Variants in SNRPD3 observed in about 807,000 individuals in gnomAD.
SNRPD3 encodes the protein small nuclear ribonucleoprotein Sm D3.
For synonymous variants in SNRPD3, 66 were observed against 58.4 expected, an observed-to-expected ratio of 1.13 and a Z score of -0.59; for missense variants, 73 against 167.5, an observed-to-expected ratio of 0.44 and a Z score of 3.11.
intron 2 of SNRPD3, among the ~76,000 whole-genome samples, chr22:24,563,234 G>GTGTA (rs1569025456): frequency 1.6e-4 from 20 of 126,230 alleles, no homozygotes; most frequent in African/African-American, 5.8e-4. Flanking sequence ...GTGTGTGTGT[G>GTGTA]TGTGTGTGTA....
At chr22:24,557,311 G>A (rs2298388) in intron 1 of SNRPD3, among the ~76,000 whole-genome samples, 146,240 of 152,308 alleles carry the variant, frequency 0.96, 70,395 homozygotes, top group Non-Finnish European at 1. Flanking sequence ...TAACATTCCA[G>A]TCCCCCTCCC....
At chr22:24,568,583 A>G (rs1241230175) in intron 3 of SNRPD3, among the ~76,000 whole-genome samples, 1 of 149,168 alleles carries the variant, frequency 6.7e-6, no homozygotes, top group East Asian at 2.0e-4. Context: ...TTTGAGATGG[A>G]GTCTCGCTCT....
At chr22:24,556,149 A>C in intron 1 of SNRPD3, 78 bp downstream of exon 1, 7 of 460,758 alleles carry the variant, frequency 1.5e-5, no homozygotes, top group South Asian at 8.9e-5. Flanking sequence ...GCTGCATGGA[A>C]CTCTGCGGGG....
Position 24,560,656 on chromosome 22 carries a change from C to T in SNRPD3, c.126+2856C>T, listed in dbSNP as rs190702006. ...TGTTGCCCAGGCTGGTCTCAAACTC[C>T]TGAGTTTGCCTCAGCCTCCCAAGTG... On this transcript the variant is annotated intron_variant, in intron 2 of 3. Coordinates refer to ENST00000215829, the MANE Select transcript of SNRPD3 (RefSeq NM_004175.5). 5.6e-3 allele frequency among the ~76,000 whole-genome samples: 837 copies of T among 149,820 alleles called. 13 individuals are homozygous for T. The highest frequency in any genetic ancestry group is 9.6e-3 in the Non-Finnish European group (650 of 67,500).
intron 2 of SNRPD3, among the ~76,000 whole-genome samples, chr22:24,558,878 C>T (rs752838699): frequency 2.6e-5 from 4 of 152,174 alleles, no homozygotes; most frequent in Non-Finnish European, 4.4e-5. Context: ...AAGTTGAATG[C>T]CATGGTGGAC....
At chr22:24,567,888 G>A in intron 2 of SNRPD3, 96 bp from the exon 3 acceptor site, 1 of 884,604 alleles carries the variant, frequency 1.1e-6, no homozygotes, top group South Asian at 1.6e-5. Flanking sequence ...CACAATGTCA[G>A]TCTGCTTTTC....
At chr22:24,557,953 C>G in intron 2 of SNRPD3, 153 bp downstream of exon 2, 1 of 633,286 alleles carries the variant, frequency 1.6e-6, no homozygotes, top group Non-Finnish European at 2.5e-6. Flanking sequence ...GTTATAGGCT[C>G]TGGGGGTGTG....
In SNRPD3 at chr22:24,560,715, C is replaced by CTT. The variant is rs59348518; in HGVS notation, c.126+2944_126+2945dup. Among the ~76,000 whole-genome samples, 34 of 98,846 alleles carry CTT rather than the reference C, an allele frequency of 3.4e-4. 1 individual carries two copies. Among genetic ancestry groups the CTT allele is most frequent in the African/African-American group, 1.4e-3 (31 of 22,370 alleles). 64.8% of individuals were successfully genotyped at this position (98,846 alleles called of 152,430 possible). A position where few individuals can be genotyped will look rare whatever the true frequency, so the allele number is the denominator to read the frequency against. On this transcript the variant is annotated intron_variant, in intron 2 of 3. Coordinates refer to ENST00000215829, the MANE Select transcript of SNRPD3 (RefSeq NM_004175.5). ...ACAGGCGTGAGCCACTGCACCTGGCCTTTTTTTTTTTTTTTTTTTTTTTTT... is the reference window on the plus strand; with the variant it reads ...ACAGGCGTGAGCCACTGCACCTGGCCTTTTTTTTTTTTTTTTTTTTTTTTTTT...
intron 2 of SNRPD3, among the ~76,000 whole-genome samples, chr22:24,562,059 T>G (rs1424918420): frequency 2.0e-5 from 3 of 152,162 alleles, no homozygotes; most frequent in African/African-American, 7.2e-5. Flanking sequence ...GATCTCACTC[T>G]GTTGCCCAGG....
chr22:24,560,763 T>C (rs989446425), intron 2 of SNRPD3, among the ~76,000 whole-genome samples: 64 of 99,210 alleles, frequency 6.5e-4, no homozygotes, highest in African/African-American at 2.5e-3. Context: ...AATCTTGCTC[T>C]GTTGTCCAGG....
intron 1 of SNRPD3, 86 bp from the exon 2 acceptor site, chr22:24,557,571 T>A: frequency 1.1e-6 from 1 of 911,342 alleles, no homozygotes; most frequent in South Asian, 1.5e-5. Flanking sequence ...TTTTATGGAG[T>A]GCCAGGCCTT....
At chr22:24,566,976 G>T (rs1281353598) in intron 2 of SNRPD3, among the ~76,000 whole-genome samples, 1 of 152,206 alleles carries the variant, frequency 6.6e-6, no homozygotes, top group Non-Finnish European at 1.5e-5. Context: ...ACCCCGTCCA[G>T]TGTCATTATT....
At chr22:24,570,154 C>T (rs1343056555) in intron 3 of SNRPD3, among the ~76,000 whole-genome samples, 1 of 152,232 alleles carries the variant, frequency 6.6e-6, no homozygotes, top group Non-Finnish European at 1.5e-5. Flanking sequence ...GCATTTGTTC[C>T]TCCAGGGTAT....
At chr22:24,557,498 A>C (rs1601563199) in intron 1 of SNRPD3, among the ~76,000 whole-genome samples, 159 bp from the exon 2 acceptor site, 1 of 126,950 alleles carries the variant, frequency 7.9e-6, no homozygotes, top group Non-Finnish European at 1.6e-5. Context: ...TTTCCTCCAA[A>C]CCAGGAGCTG....
At chr22:24,557,132 G>A (rs2045081027) in intron 1 of SNRPD3, among the ~76,000 whole-genome samples, 1 of 152,194 alleles carries the variant, frequency 6.6e-6, no homozygotes, top group Non-Finnish European at 1.5e-5. Flanking sequence ...TATGGCCACT[G>A]GGATTGAGGG....
rs1491542810 is a variant in SNRPD3 at position 24,563,202 on chromosome 22, A to ATGTG, written c.127-4781_127-4780insGTGT. Among the ~76,000 whole-genome samples the ATGTG allele has an allele frequency of 4.5e-3, 618 of 138,874 alleles. 4 individuals carry two copies. The highest frequency in any genetic ancestry group is 0.015 in the Middle Eastern group (4 of 270). 91.1% of individuals were successfully genotyped at this position (138,874 alleles called of 152,430 possible). On this transcript the variant is annotated intron_variant, in intron 2 of 3. Transcript: ENST00000215829. ...GGGCAACACAGTGAGACCCTGTCTC[A>ATGTG]TATATGTGTGTGTGTGTGTGTGTGT...
At chr22:24,566,511 C>G (rs976313983) in intron 2 of SNRPD3, among the ~76,000 whole-genome samples, 1 of 152,148 alleles carries the variant, frequency 6.6e-6, no homozygotes, top group African/African-American at 2.4e-5. Flanking sequence ...ATCCTCCCAC[C>G]TTGACCTCCC....
intron 1 of SNRPD3, among the ~76,000 whole-genome samples, chr22:24,557,206 G>C (rs894583106): frequency 1.3e-5 from 2 of 152,168 alleles, no homozygotes; most frequent in African/African-American, 4.8e-5. Flanking sequence ...AGCTACGTGT[G>C]TACATGAGCT....
chr22:24,556,006 T>A lies in SNRPD3; in HGVS notation c.-84T>A. 1 of 649,020 alleles carries A rather than the reference T, an allele frequency of 1.5e-6. No individual in the cohort carries two copies. Among genetic ancestry groups the A allele is most frequent in the Non-Finnish European group, 2.6e-6 (1 of 378,438 alleles). 40.2% of individuals were successfully genotyped at this position (649,020 alleles called of 1,614,324 possible). ...CTGGGTGTTAGGCCCGCCATTCGCT[T>A]GACTCACGCCTTCGCCGTAGCATCT... is the stretch of plus-strand genomic sequence containing the variant. On this transcript the variant is annotated 5_prime_UTR_variant, in exon 1 of 4. Transcript: ENST00000215829.
Sources: gnomAD v4.1 joint callset for allele counts (sites outside exome capture counted in the v4.1 genomes callset) on GRCh38, gnomAD v4.1.1 for gene constraint, MANE v1.5 for transcripts, NCBI Gene and HGNC (gene_info 2026-07-23, HGNC 2026-07-21) for gene names.